Variants in ATF7IP observed in about 807,000 individuals in gnomAD.
ATF7IP encodes the protein activating transcription factor 7-interacting protein 1.
A neutral mutation model predicts 106.4 loss-of-function variants in ATF7IP; 23 were observed. That is an observed-to-expected ratio of 0.22 (90% CI 0.16 to 0.31). The LOEUF is 0.31. ATF7IP is among the 10% of genes least tolerant of loss of function. The pLI, the probability that ATF7IP is intolerant of heterozygous loss-of-function variation, is 1.00. For missense variants in ATF7IP, 1,334 were observed against 1,524.3 expected (o/e 0.88, Z 2.08); for synonymous variants, 542 against 539.0 (o/e 1.01, Z -0.08).
intron 13 of ATF7IP, among the ~76,000 whole-genome samples, chr12:14,487,579 A>T (rs555650196): frequency 1.3e-5 from 2 of 152,176 alleles, no homozygotes; most frequent in African/African-American, 4.8e-5. Context: ...GGTGTAGGGA[A>T]GCTGTTCCAA....
intron 13 of ATF7IP, among the ~76,000 whole-genome samples, chr12:14,486,043 C>G (rs2136832409): frequency 6.6e-6 from 1 of 152,202 alleles, no homozygotes; most frequent in African/African-American, 2.4e-5. Flanking sequence ...TTGACCTTTC[C>G]CACCATAGTA....
At position 14,460,557 on chromosome 12, in the gene ATF7IP, C is replaced by T. The variant is rs769067999; in HGVS notation, c.2221C>T (p.Pro741Ser). Residue 741 changes from proline to serine, a missense_variant, in exon 9 of 15, where the codon CCA (proline) becomes TCA (serine). Around this residue, in one of 10 missense-constraint regions of ATF7IP, gnomAD observed 171 missense variants for 172.6 expected, o/e 0.99. Coordinates refer to ENST00000261168, the MANE Select transcript of ATF7IP (RefSeq NM_018179.5). ...CAGTAGTCAACCTAAATTGCAGACT[C>T]CAGTGACTTCGGGTTCCCTCACAGC... is the stretch of plus-strand genomic sequence containing the variant. ...VVSSQPKLQT[P>S]VTSGSLTATS... The T allele has an allele frequency of 4.2e-5, 67 of 1,614,060 alleles. No homozygotes were observed. The highest frequency in any genetic ancestry group is 5.3e-5 in the Non-Finnish European group (62 of 1,180,040).
At chr12:14,456,813 T>C (rs1296329865) in intron 7 of ATF7IP, among the ~76,000 whole-genome samples, 179 bp downstream of exon 7, 6 of 152,244 alleles carry the variant, frequency 3.9e-5, no homozygotes, top group African/African-American at 1.4e-4. Flanking sequence ...ATAATACTTT[T>C]GCTAACTTAT....
chr12:14,422,312 TACACACACACACAC>T lies in ATF7IP; in HGVS notation c.-7-1565_-7-1552del, dbSNP rs59503201. 6.4e-3 allele frequency among the ~76,000 whole-genome samples: 916 copies of T among 142,330 alleles called. 5 individuals carry two copies. The highest frequency in any genetic ancestry group is 0.014 in the South Asian group (63 of 4,346). 93.4% of individuals were successfully genotyped at this position (142,330 alleles called of 152,430 possible). Reference sequence around the variant, plus strand: ...AGCACAACTTACCAAAAAAAGAGAATACACACACACACACACACACACACACACACACACACACA... The same window carrying T: ...AGCACAACTTACCAAAAAAAGAGAATACACACACACACACACACACACACA... On this transcript the variant is annotated intron_variant, in intron 1 of 14. Coordinates refer to ENST00000261168, the MANE Select transcript of ATF7IP (RefSeq NM_018179.5).
chr12:14,494,333 A>ATATATATATATATATATGTGTGTG (rs1234871100), intron 13 of ATF7IP, among the ~76,000 whole-genome samples: 1 of 86,038 alleles, frequency 1.2e-5, no homozygotes, highest in African/African-American at 4.5e-5. Flanking sequence ...ATATATATAT[A>ATATATATATATATATATGTGTGTG]TGTGTGTGTG....
chr12:14,496,922 A>G (rs1448253775), intron 14 of ATF7IP, among the ~76,000 whole-genome samples: 1 of 152,200 alleles, frequency 6.6e-6, no homozygotes, highest in Non-Finnish European at 1.5e-5. Flanking sequence ...AGGACTTCCT[A>G]AAGTTAGAGT....
intron 5 of ATF7IP, among the ~76,000 whole-genome samples, chr12:14,441,487 C>CTTTTT (rs36088397): frequency 4.7e-4 from 50 of 105,270 alleles, no homozygotes; most frequent in African/African-American, 1.6e-3. Flanking sequence ...ATACCAAAGT[C>CTTTTT]TTTTTTTTTT....
At chr12:14,456,064 A>G (rs904150033) in intron 6 of ATF7IP, among the ~76,000 whole-genome samples, 3 of 152,214 alleles carry the variant, frequency 2.0e-5, no homozygotes, top group African/African-American at 7.2e-5. Context: ...TTTAAGTCAC[A>G]TAGTGGTAGG....
intron 1 of ATF7IP, among the ~76,000 whole-genome samples, chr12:14,371,883 A>G (rs1938544744): frequency 6.6e-6 from 1 of 152,076 alleles, no homozygotes; most frequent in South Asian, 2.1e-4. Context: ...CTTGTTTTTC[A>G]AGGGAGTCAC....
intron 2 of ATF7IP, among the ~76,000 whole-genome samples, chr12:14,425,743 C>T (rs1380552762): frequency 2.0e-5 from 3 of 152,158 alleles, no homozygotes; most frequent in African/African-American, 7.2e-5. Context: ...AGCACCATAA[C>T]ACTGAGATAA....
chr12:14,397,176 CAAAAACAAACAA>C (rs1257510328), intron 1 of ATF7IP, among the ~76,000 whole-genome samples: 1 of 151,730 alleles, frequency 6.6e-6, no homozygotes, highest in Non-Finnish European at 1.5e-5. Context: ...AAAAGAAAAC[CAAAAACAAACAA>C]AAAAACAAAA....
At chr12:14,472,696 T>C (rs1367216489) in intron 10 of ATF7IP, among the ~76,000 whole-genome samples, 1 of 152,178 alleles carries the variant, frequency 6.6e-6, no homozygotes, top group African/African-American at 2.4e-5. Context: ...CTACATCTCT[T>C]CTTGGGAGAT....
intron 5 of ATF7IP, among the ~76,000 whole-genome samples, chr12:14,442,287 A>G (rs565627683): frequency 4.6e-5 from 7 of 152,340 alleles, no homozygotes; most frequent in African/African-American, 1.4e-4. Flanking sequence ...ACAAAATCAA[A>G]TATCATTATG....
chr12:14,455,852 G>A (rs1943404834), intron 6 of ATF7IP, among the ~76,000 whole-genome samples: 2 of 151,986 alleles, frequency 1.3e-5, no homozygotes, highest in African/African-American at 2.4e-5. Flanking sequence ...GCCTCCCAAC[G>A]TGCTAGTATT....
chr12:14,372,530 C>T (rs1187420749), intron 1 of ATF7IP, among the ~76,000 whole-genome samples: 1 of 151,418 alleles, frequency 6.6e-6, no homozygotes, highest in Non-Finnish European at 1.5e-5. Context: ...TATAGTTGGA[C>T]CTATATGAAT....
intron 1 of ATF7IP, among the ~76,000 whole-genome samples, chr12:14,367,163 T>G (rs1397278325): frequency 6.6e-6 from 1 of 152,206 alleles, no homozygotes; most frequent in African/African-American, 2.4e-5. Context: ...TGGTTGGTTA[T>G]AACTCTTTAA....
intron 1 of ATF7IP, 89 bp from the exon 2 acceptor site, chr12:14,423,820 G>T: frequency 7.3e-7 from 1 of 1,373,690 alleles, no homozygotes; most frequent in Non-Finnish European, 9.8e-7. Flanking sequence ...TGTGCTGCTT[G>T]CATCTCTTCT....
rs994572790 is a variant in ATF7IP at position 14,424,726 on chromosome 12, A to C, written c.811A>C (p.Thr271Pro). The C allele has an allele frequency of 1.2e-6, 2 of 1,614,100 alleles. No homozygotes were observed. The highest frequency in any genetic ancestry group is 3.3e-5 in the Admixed American group (2 of 60,016). Residue 271 changes from threonine (T) to proline (P), a missense_variant, in exon 2 of 15, where the codon ACT (threonine) becomes CCT (proline). Coordinates refer to ENST00000261168, the MANE Select transcript of ATF7IP (RefSeq NM_018179.5). Reference sequence around the variant, plus strand: ...TGAACTGGCCTCTGATGATCTGGCCACTGGTGAACTGGCCTCTGATGAGCT... The same window carrying C: ...TGAACTGGCCTCTGATGATCTGGCCCCTGGTGAACTGGCCTCTGATGAGCT... Reference protein sequence around the residue: ...SSELASDDLATGELASDELTS... With the variant: ...SSELASDDLAPGELASDELTS...
At chr12:14,489,174 A>G (rs1474205429) in intron 13 of ATF7IP, among the ~76,000 whole-genome samples, 1 of 152,174 alleles carries the variant, frequency 6.6e-6, no homozygotes, top group Admixed American at 6.5e-5. Context: ...GTTGACCTCA[A>G]TCACAGGGCA....
Sources: allele counts gnomAD v4.1 joint callset (sites outside exome capture counted in the v4.1 genomes callset), GRCh38; gene constraint gnomAD v4.1.1; regional missense constraint gnomAD v4.1.1; transcripts MANE v1.5; gene names NCBI Gene and HGNC (gene_info 2026-07-23, HGNC 2026-07-21).